EPB41L4A: variants seen among roughly 807,000 people sequenced by gnomAD.
EPB41L4A encodes the protein band 4.1-like protein 4A.
In EPB41L4A, 100 loss-of-function variants were observed where a neutral mutation model predicts 108.6. The ratio of observed to expected loss-of-function variants is 0.92; its 90% CI spans 0.78 to 1.09. The LOEUF (loss-of-function observed/expected upper bound fraction) is 1.09, where lower values mean the gene tolerates loss of function less well. Ranked by LOEUF, EPB41L4A falls within the 50% of genes least tolerant of loss-of-function variation. The pLI, the probability that EPB41L4A is intolerant of heterozygous loss-of-function variation, is 0.00. For synonymous variants in EPB41L4A, 319 were observed against 289.0 expected (o/e 1.10, Z -1.05); for missense variants, 1,030 against 842.7 (o/e 1.22, Z -2.75).
At chr5:112,161,434 C>T (rs1206276380), downstream of EPB41L4A, 8 of 489,142 alleles carry the variant, frequency 1.6e-5, no homozygotes, top group Admixed American at 2.1e-5. Flanking sequence ...ATCGGCATTA[C>T]TGTCAGCCAG....
At chr5:112,197,223 C>G (rs1057377178) in intron 15 of EPB41L4A, among the ~76,000 whole-genome samples, 3 of 152,190 alleles carry the variant, frequency 2.0e-5, no homozygotes, top group African/African-American at 4.8e-5. Flanking sequence ...CCACATCCCC[C>G]CTCATCTGCC....
intron 1 of EPB41L4A, chr5:112,392,646 C>G (rs1372453250): frequency 6.6e-6 from 1 of 152,118 alleles, no homozygotes; most frequent in Non-Finnish European, 1.5e-5. Context: ...TAATGGGAGA[C>G]TTTAACACCC....
At chr5:112,331,186 G>T (rs1238485610) in intron 1 of EPB41L4A, among the ~76,000 whole-genome samples, 3 of 152,148 alleles carry the variant, frequency 2.0e-5, no homozygotes, top group African/African-American at 7.2e-5. Flanking sequence ...CTAATGGAGG[G>T]CATGGAGGGA....
chr5:112,387,515 G>A (rs1000133132), intron 1 of EPB41L4A, among the ~76,000 whole-genome samples: 2 of 152,238 alleles, frequency 1.3e-5, no homozygotes, highest in Non-Finnish European at 2.9e-5. Context: ...TGTAGTCCCA[G>A]CTACTTGGGA....
At chr5:112,234,252 T>C (rs1391681244) in intron 12 of EPB41L4A, among the ~76,000 whole-genome samples, 3 of 151,314 alleles carry the variant, frequency 2.0e-5, no homozygotes, top group Non-Finnish European at 4.4e-5. Flanking sequence ...TAACCAGGCA[T>C]GGTAGTATGT....
chr5:112,199,682 G>A (rs2150282474), intron 15 of EPB41L4A, among the ~76,000 whole-genome samples: 1 of 152,252 alleles, frequency 6.6e-6, no homozygotes, highest in East Asian at 1.9e-4. Flanking sequence ...TCCCTTTCAA[G>A]CCTGTGAAGT....
At chr5:112,289,189 T>C (rs1753487048) in intron 2 of EPB41L4A, among the ~76,000 whole-genome samples, 2 of 152,182 alleles carry the variant, frequency 1.3e-5, no homozygotes, top group African/African-American at 4.8e-5. Flanking sequence ...CTACAGATTA[T>C]AGATAGGGCC....
chr5:112,228,700 C>A (rs1451677951), intron 12 of EPB41L4A: 4 of 985,234 alleles, frequency 4.1e-6, no homozygotes, highest in African/African-American at 1.7e-5. Flanking sequence ...TGACAGGAAT[C>A]CAACTGTGTG....
chr5:112,375,517 A>C (rs1267269832), intron 1 of EPB41L4A, among the ~76,000 whole-genome samples: 1 of 152,186 alleles, frequency 6.6e-6, no homozygotes, highest in African/African-American at 2.4e-5. Context: ...AGATTCCAAC[A>C]CCAAGATGGC....
intron 17 of EPB41L4A, among the ~76,000 whole-genome samples, chr5:112,191,372 A>G (rs1402702009): frequency 6.6e-6 from 1 of 152,196 alleles, no homozygotes; most frequent in East Asian, 1.9e-4. Context: ...ATTTACAGTT[A>G]TATTTTCCTA....
At chr5:112,210,331 A>C (rs1470848663) in intron 12 of EPB41L4A, among the ~76,000 whole-genome samples, 1 of 152,176 alleles carries the variant, frequency 6.6e-6, no homozygotes, top group African/African-American at 2.4e-5. Flanking sequence ...CATAATGATC[A>C]GGTTTTGATG....
At chr5:112,291,877 T>G (rs754629722) in intron 2 of EPB41L4A, among the ~76,000 whole-genome samples, 1 of 152,216 alleles carries the variant, frequency 6.6e-6, no homozygotes, top group East Asian at 1.9e-4. Context: ...TTTTGTAAGC[T>G]GCTCTAGCAA....
At chr5:112,289,821 G>A (rs1753535634) in intron 2 of EPB41L4A, among the ~76,000 whole-genome samples, 1 of 152,154 alleles carries the variant, frequency 6.6e-6, no homozygotes, top group South Asian at 2.1e-4. Flanking sequence ...CAAAGTCGCA[G>A]ATCCACGAGC....
intron 1 of EPB41L4A, among the ~76,000 whole-genome samples, chr5:112,345,817 A>ACG (rs1561591459): frequency 6.7e-6 from 1 of 148,326 alleles, no homozygotes; most frequent in African/African-American, 2.5e-5. Flanking sequence ...ACACACACAC[A>ACG]CACACGCACA....
chr5:112,311,571 T>C (rs1281872421), intron 1 of EPB41L4A, among the ~76,000 whole-genome samples: 1 of 152,188 alleles, frequency 6.6e-6, no homozygotes, highest in Admixed American at 6.5e-5. Flanking sequence ...GTTCTTTTGC[T>C]CATGTTTTGG....
chr5:112,311,318 T>C (rs1755035242), intron 1 of EPB41L4A, among the ~76,000 whole-genome samples: 1 of 152,162 alleles, frequency 6.6e-6, no homozygotes, highest in Non-Finnish European at 1.5e-5. Flanking sequence ...ACTAAAAATA[T>C]CATGATGAAT....
chr5:112,239,235 T>C, intron 11 of EPB41L4A, among the ~76,000 whole-genome samples: 1 of 152,226 alleles, frequency 6.6e-6, no homozygotes, highest in East Asian at 1.9e-4. Context: ...ACATGCAGGC[T>C]TCATGTTGCA....
chr5:112,243,836 T>C (rs1749998728), intron 9 of EPB41L4A, among the ~76,000 whole-genome samples: 1 of 152,232 alleles, frequency 6.6e-6, no homozygotes, highest in Admixed American at 6.5e-5. Flanking sequence ...GATTACAGAC[T>C]TTGGTTTAAG....
At chr5:112,398,435 C>T (rs931161800) in intron 1 of EPB41L4A, among the ~76,000 whole-genome samples, 5 of 152,160 alleles carry the variant, frequency 3.3e-5, no homozygotes, top group African/African-American at 1.2e-4. Context: ...GTCGTCCAGG[C>T]TGGAGTGCAG....
Sources: allele counts gnomAD v4.1 joint callset (sites outside exome capture counted in the v4.1 genomes callset), GRCh38; gene constraint gnomAD v4.1.1; transcripts MANE v1.5; gene names NCBI Gene and HGNC (gene_info 2026-07-23, HGNC 2026-07-21).